MICU2: variants seen among roughly 807,000 people sequenced by gnomAD.
MICU2 encodes mitochondrial calcium uptake 2.
Under a neutral mutation model 60.4 loss-of-function variants are expected in MICU2, and 64 were observed. The observed-to-expected ratio is 1.06, with a 90% CI of 0.87 to 1.31. The LOEUF (loss-of-function observed/expected upper bound fraction) is 1.31, where lower values mean the gene tolerates loss of function less well. MICU2 is among the 50% of genes most tolerant of loss of function. MICU2 has a pLI of 0.00. For missense variants in MICU2, 569 were observed against 531.0 expected, an observed-to-expected ratio of 1.07 and a Z score of -0.70; for synonymous variants, 201 against 175.0, an observed-to-expected ratio of 1.15 and a Z score of -1.17.
intron 1 of MICU2, among the ~76,000 whole-genome samples, chr13:21,594,363 TAA>T (rs1186852000): frequency 6.6e-6 from 1 of 152,132 alleles, no homozygotes; most frequent in Non-Finnish European, 1.5e-5. Context: ...TGGTGATTAT[TAA>T]AAAGTCAGGA....
intron 7 of MICU2, among the ~76,000 whole-genome samples, chr13:21,511,238 A>T (rs546434309): frequency 2.0e-5 from 3 of 152,320 alleles, no homozygotes; most frequent in South Asian, 4.1e-4. Context: ...AGGGGAAAAG[A>T]TAAATTAGTT....
intron 1 of MICU2, among the ~76,000 whole-genome samples, chr13:21,586,459 A>C (rs539204241): frequency 8.5e-5 from 13 of 152,270 alleles, no homozygotes; most frequent in Non-Finnish European, 1.9e-4. Context: ...CTAGGCTAGA[A>C]TGTAACGGTG....
intron 1 of MICU2, among the ~76,000 whole-genome samples, chr13:21,579,276 T>C (rs1388902646): frequency 6.6e-6 from 1 of 151,340 alleles, no homozygotes; most frequent in Non-Finnish European, 1.5e-5. Context: ...AATACAAAAA[T>C]AAAGTAATAC....
At chr13:21,590,658 T>C (rs1247949386) in intron 1 of MICU2, among the ~76,000 whole-genome samples, 4 of 152,126 alleles carry the variant, frequency 2.6e-5, no homozygotes, top group Admixed American at 2.6e-4. Flanking sequence ...ATCGAGACCA[T>C]CGTGGCCAAC....
At chr13:21,526,851 A>G (rs897723240) in intron 4 of MICU2, among the ~76,000 whole-genome samples, 1 of 152,140 alleles carries the variant, frequency 6.6e-6, no homozygotes, top group Non-Finnish European at 1.5e-5. Context: ...AGGAAGAATA[A>G]AGAGCTGCAG....
intron 2 of MICU2, among the ~76,000 whole-genome samples, chr13:21,562,180 A>C (rs940861581): frequency 3.9e-5 from 6 of 152,088 alleles, no homozygotes; most frequent in African/African-American, 1.4e-4. Context: ...ATACATGTGC[A>C]TGTGTCTTTA....
intron 9 of MICU2, among the ~76,000 whole-genome samples, chr13:21,500,242 T>G (rs975263475): frequency 6.6e-6 from 1 of 152,176 alleles, no homozygotes; most frequent in African/African-American, 2.4e-5. Context: ...TCTTTGTGTC[T>G]GACTCAATAG....
chr13:21,535,223 T>TA (rs1335637760), intron 4 of MICU2, among the ~76,000 whole-genome samples: 1 of 152,226 alleles, frequency 6.6e-6, no homozygotes, highest in African/African-American at 2.4e-5. Flanking sequence ...TATATTTATG[T>TA]AGAGTTTTAC....
intron 1 of MICU2, among the ~76,000 whole-genome samples, chr13:21,585,352 C>T (rs565997324): frequency 6.6e-6 from 1 of 152,302 alleles, no homozygotes. Flanking sequence ...CTTTAGTCTT[C>T]ACTGGGATTA....
chr13:21,550,023 A>AG (rs1413770627), intron 2 of MICU2, among the ~76,000 whole-genome samples: 2 of 152,224 alleles, frequency 1.3e-5, no homozygotes, highest in African/African-American at 4.8e-5. Context: ...TTTAAAGGGT[A>AG]GGGCTAGCAC....
At position 21,515,141 on chromosome 13, in the gene MICU2, G is replaced by T. The variant is rs1045693177; in HGVS notation, c.598-723C>A. Among the ~76,000 whole-genome samples, 5 of 150,790 alleles carry T rather than the reference G, an allele frequency of 3.3e-5. 1 individual carries two copies. In the Middle Eastern group the frequency reaches 0.014, roughly 410 times the overall value. The stretch of plus-strand genomic sequence containing the variant: ...CTGTCACCCAGGCTGGAGTGCAGTG[G>T]CACGATCCCGGCTGACTGCAAGCTC... On this transcript the variant is annotated intron_variant, in intron 6 of 11. Transcript: ENST00000382374.
intron 4 of MICU2, among the ~76,000 whole-genome samples, chr13:21,534,965 A>G (rs908681055): frequency 1.3e-5 from 2 of 152,216 alleles, no homozygotes; most frequent in East Asian, 3.9e-4. Flanking sequence ...TAAAGGTCAT[A>G]GGCAGCACTT....
intron 1 of MICU2, among the ~76,000 whole-genome samples, chr13:21,585,073 T>G (rs1888429380): frequency 6.6e-6 from 1 of 152,238 alleles, no homozygotes; most frequent in African/African-American, 2.4e-5. Flanking sequence ...CGTTAACTAC[T>G]GTCCTATTAC....
At chr13:21,558,200 G>C (rs1887754840) in intron 2 of MICU2, among the ~76,000 whole-genome samples, 1 of 152,154 alleles carries the variant, frequency 6.6e-6, no homozygotes, top group African/African-American at 2.4e-5. Context: ...CCAGTGTTAA[G>C]CCTCTGATGT....
At chr13:21,549,476 G>T (rs1420193195) in intron 2 of MICU2, among the ~76,000 whole-genome samples, 1 of 152,058 alleles carries the variant, frequency 6.6e-6, no homozygotes, top group Non-Finnish European at 1.5e-5. Flanking sequence ...CAAAGATATG[G>T]GGTCACATGA....
rs148384864 is a variant in MICU2, at chr13:21,602,000, T to C, written c.210+1939A>G. ...GCGTATGCCTGTAATCCTAGCTACT[T>C]GGGAGGCTGAGGTAGGAGAATTACT... On this transcript the variant is annotated intron_variant, in intron 1 of 11. Coordinates refer to ENST00000382374, the MANE Select transcript of MICU2 (RefSeq NM_152726.3). Among the ~76,000 whole-genome samples the C allele has an allele frequency of 2.3e-3, 350 of 150,720 alleles. 2 individuals carry two copies. Among genetic ancestry groups the C allele is most frequent in the African/African-American group, 8.0e-3 (328 of 41,012 alleles).
At chr13:21,517,257 T>C (rs79417780) in intron 6 of MICU2, among the ~76,000 whole-genome samples, 6,412 of 152,310 alleles carry the variant, frequency 0.042, 439 homozygotes, top group African/African-American at 0.15. Context: ...TTACCATACT[T>C]CATTATTACT....
chr13:21,546,910 A>G (rs1887432129), intron 2 of MICU2, among the ~76,000 whole-genome samples: 1 of 152,206 alleles, frequency 6.6e-6, no homozygotes, highest in South Asian at 2.1e-4. Flanking sequence ...CATGTTCTAC[A>G]TAGGTCATCA....
At chr13:21,510,837 T>TAATTCATTTAATGAATTCCTTAGGAGG (rs1886411807) in intron 7 of MICU2, among the ~76,000 whole-genome samples, 3 of 146,752 alleles carry the variant, frequency 2.0e-5, no homozygotes, top group Non-Finnish European at 4.4e-5. Context: ...ATTCATTCAT[T>TAATTCATTTAATGAATTCCTTAGGAGG]AATTCATTTA....
Sources: allele counts gnomAD v4.1 joint callset (sites outside exome capture counted in the v4.1 genomes callset), GRCh38; gene constraint gnomAD v4.1.1; transcripts MANE v1.5; gene names NCBI Gene and HGNC (gene_info 2026-07-23, HGNC 2026-07-21).